Variants in ERG observed in about 807,000 individuals in gnomAD.
ERG encodes the protein transcriptional regulator ERG.
A neutral mutation model predicts 55.3 loss-of-function variants in ERG; 9 were observed. The observed-to-expected ratio is 0.16, with a 90% confidence interval of 0.10 to 0.28. ERG has a LOEUF of 0.28. Ranked by LOEUF, ERG falls within the 10% of genes least tolerant of loss-of-function variation. ERG has a pLI of 1.00. For synonymous variants in ERG, 223 were observed against 237.3 expected (o/e 0.94, Z 0.55); for missense variants, 434 against 631.6 (o/e 0.69, Z 3.35).
intron 1 of ERG, among the ~76,000 whole-genome samples, chr21:38,577,610 GA>G (rs1464958080): frequency 6.6e-6 from 1 of 152,098 alleles, no homozygotes; most frequent in Non-Finnish European, 1.5e-5. Context: ...GGGCCTGGCT[GA>G]AGGTTTCTGG....
At chr21:38,579,798 C>T (rs2146873217) in intron 1 of ERG, among the ~76,000 whole-genome samples, 1 of 151,548 alleles carries the variant, frequency 6.6e-6, no homozygotes, top group South Asian at 2.1e-4. Context: ...CCTCCCCTGC[C>T]TCCTCAACCC....
chr21:38,442,901 G>A (rs552935962), intron 2 of ERG, among the ~76,000 whole-genome samples: 60 of 152,178 alleles, frequency 3.9e-4, no homozygotes, highest in African/African-American at 1.3e-3. Context: ...TCCGCCTCCC[G>A]GGTTCATGCC....
At chr21:38,608,837 C>T (rs746918776) in intron 1 of ERG, among the ~76,000 whole-genome samples, 3 of 152,084 alleles carry the variant, frequency 2.0e-5, no homozygotes, top group East Asian at 1.9e-4. Context: ...TCTTGGGAGG[C>T]GGTTTAGGGA....
chr21:38,491,541 A>G (rs911782556), intron 1 of ERG, among the ~76,000 whole-genome samples: 46 of 152,248 alleles, frequency 3.0e-4, no homozygotes, highest in African/African-American at 9.6e-4. Context: ...TTAAAGTAAC[A>G]GCCCTGAGGT....
chr21:38,639,377 A>G (rs75709675), intron 1 of ERG, among the ~76,000 whole-genome samples: 1 of 151,258 alleles, frequency 6.6e-6, no homozygotes, highest in Admixed American at 6.6e-5. Context: ...AAAAAAAAAA[A>G]CTATCATTAA....
chr21:38,451,703 C>T (rs1227566704), intron 1 of ERG, among the ~76,000 whole-genome samples: 1 of 152,174 alleles, frequency 6.6e-6, no homozygotes, highest in Non-Finnish European at 1.5e-5. Context: ...ACAAAATAGA[C>T]AATGCACTTA....
intron 1 of ERG, among the ~76,000 whole-genome samples, chr21:38,605,251 G>A (rs2146917807): frequency 6.6e-6 from 1 of 152,222 alleles, no homozygotes; most frequent in East Asian, 1.9e-4. Flanking sequence ...AGTAACCATT[G>A]TCACGGGGTC....
At chr21:38,370,224 T>C in the ERG span, among the ~76,000 whole-genome samples, 1 of 152,148 alleles carries the variant, frequency 6.6e-6, no homozygotes, top group Non-Finnish European at 1.5e-5. Flanking sequence ...TAATTAATTG[T>C]TCATCATGTT....
chr21:38,659,819 T>C (rs2060541285), intron 1 of ERG, among the ~76,000 whole-genome samples: 1 of 152,260 alleles, frequency 6.6e-6, no homozygotes, highest in Non-Finnish European at 1.5e-5. Flanking sequence ...ACTTAAAAGA[T>C]AATTAATGCC....
chr21:38,549,542 T>C (rs998638771), intron 2 of ERG, among the ~76,000 whole-genome samples: 10 of 152,202 alleles, frequency 6.6e-5, no homozygotes, highest in Non-Finnish European at 5.9e-5. Context: ...GTCCTGATTG[T>C]TGGGGTTTAT....
intron 1 of ERG, among the ~76,000 whole-genome samples, chr21:38,605,236 G>A (rs1158519597): frequency 6.6e-6 from 1 of 152,068 alleles, no homozygotes; most frequent in Non-Finnish European, 1.5e-5. Flanking sequence ...ATCTTGGAGT[G>A]GCACAGTAAC....
intron 6 of ERG, among the ~76,000 whole-genome samples, chr21:38,395,193 G>A (rs555162132): frequency 4.6e-4 from 70 of 152,162 alleles, no homozygotes; most frequent in Non-Finnish European, 1.0e-4. Flanking sequence ...CTTCCTTATC[G>A]GCTACCGATC....
chr21:38,626,482 C>T (rs1213529167), intron 1 of ERG, among the ~76,000 whole-genome samples: 1 of 152,088 alleles, frequency 6.6e-6, no homozygotes, highest in Non-Finnish European at 1.5e-5. Flanking sequence ...AGGTGCCGAC[C>T]ACTTCAGACA....
chr21:38,434,709 A>C (rs2146532067), intron 2 of ERG, among the ~76,000 whole-genome samples: 1 of 152,332 alleles, frequency 6.6e-6, no homozygotes, highest in African/African-American at 2.4e-5. Flanking sequence ...ATTCATAAAA[A>C]TGAATGGATG....
intron 1 of ERG, among the ~76,000 whole-genome samples, chr21:38,638,161 C>T (rs1304874416): frequency 6.6e-6 from 1 of 152,214 alleles, no homozygotes. Flanking sequence ...ATGTCCAGCT[C>T]AGCCACTTGT....
chr21:38,422,725 T>G (rs1401304299), intron 3 of ERG, among the ~76,000 whole-genome samples: 1 of 152,214 alleles, frequency 6.6e-6, no homozygotes, highest in Non-Finnish European at 1.5e-5. Flanking sequence ...TTGGGTTGGT[T>G]TTGAATTATG....
intron 2 of ERG, among the ~76,000 whole-genome samples, chr21:38,528,522 A>ACTG (rs1402606884): frequency 1.3e-5 from 1 of 74,624 alleles, no homozygotes; most frequent in Non-Finnish European, 2.7e-5. Context: ...ATCTCGGCTC[A>ACTG]CTGCAAGCTC....
intron 2 of ERG, among the ~76,000 whole-genome samples, chr21:38,527,076 C>A (rs1025717001): frequency 2.6e-5 from 4 of 152,202 alleles, no homozygotes; most frequent in African/African-American, 9.6e-5. Context: ...ACGACGCATA[C>A]TGAGCACCAT....
intron 1 of ERG, among the ~76,000 whole-genome samples, chr21:38,451,427 T>C (rs888417271): frequency 3.3e-5 from 5 of 152,238 alleles, no homozygotes; most frequent in African/African-American, 4.8e-5. Flanking sequence ...ATGTGTTCAT[T>C]GCAGGTGGAT....
Sources: gnomAD v4.1 joint callset for allele counts (sites outside exome capture counted in the v4.1 genomes callset) on GRCh38, gnomAD v4.1.1 for gene constraint, MANE v1.5 for transcripts, NCBI Gene and HGNC (gene_info 2026-07-23, HGNC 2026-07-21) for gene names.